The following CD38 variants were observed in gnomAD, a reference collection of about 807,000 sequenced individuals.
CD38 encodes CD38 molecule, also known as ADP-ribosyl cyclase/cyclic ADP-ribose hydrolase 1.
Under a neutral mutation model 36.3 loss-of-function variants are expected in CD38, and 31 were observed. The ratio of observed to expected loss-of-function variants is 0.85; its 90% CI spans 0.64 to 1.15. The LOEUF (loss-of-function observed/expected upper bound fraction) is 1.15, where lower values mean the gene tolerates loss of function less well. CD38 is among the 50% of genes most tolerant of loss of function. The probability of loss-of-function intolerance (pLI) is 0.00; values close to 1 mark genes in which losing one functional copy is unlikely to be tolerated. For missense variants in CD38, 380 were observed against 371.9 expected (o/e 1.02, Z -0.18); for synonymous variants, 131 against 135.2 (o/e 0.97, Z 0.22).
At chr4:15,838,283 C>T (rs925054566) in intron 5 of CD38, 118 bp downstream of exon 5, 1 of 784,970 alleles carries the variant, frequency 1.3e-6, no homozygotes, top group Non-Finnish European at 2.1e-6. Context: ...AGATTAGGGC[C>T]AAAAAAGGTA....
intron 1 of CD38, among the ~76,000 whole-genome samples, chr4:15,783,132 C>T (rs1324526069): frequency 6.6e-6 from 1 of 152,114 alleles, no homozygotes; most frequent in Non-Finnish European, 1.5e-5. Flanking sequence ...CACATGAGAC[C>T]TGAAATACAC....
chr4:15,825,202 G>A (rs1488683422), intron 3 of CD38, 186 bp downstream of exon 3: 1 of 566,180 alleles, frequency 1.8e-6, no homozygotes, highest in Non-Finnish European at 3.0e-6. Context: ...AATTTATAAA[G>A]AAAAGAGGTT....
chr4:15,778,739 A>G lies in CD38; in HGVS notation c.233+92A>G. The G allele has an allele frequency of 1.1e-6, 1 of 905,664 alleles. No individual in the cohort carries two copies. The highest frequency in any genetic ancestry group is 1.5e-5 in the South Asian group (1 of 65,660). The allele number at this position is 905,664 out of a possible 1,614,324, so 56.1% of individuals were successfully genotyped here. A position where few individuals can be genotyped will look rare whatever the true frequency, so the allele number is the denominator to read the frequency against. On this transcript the variant is annotated intron_variant, in intron 1 of 7. Transcript: ENST00000226279. This position sits in a 1 kb window ranked among gnomAD's most constrained non-coding sequence, Gnocchi z 4.9. ...CCGCCCGGATCGCCCGGAACCGGGC[A>G]TCTTCCGTGGCGGGTCAGCCGAGAG...
intron 3 of CD38, among the ~76,000 whole-genome samples, chr4:15,827,841 T>A (rs1425874044): frequency 2.0e-5 from 3 of 152,182 alleles, no homozygotes; most frequent in Admixed American, 2.0e-4. Flanking sequence ...CCTCAATTTT[T>A]AATTTCTTCT....
chr4:15,786,700 C>T (rs6852944), intron 1 of CD38, among the ~76,000 whole-genome samples: 7,837 of 152,314 alleles, frequency 0.051, 638 homozygotes, highest in African/African-American at 0.17. Context: ...AGTCAGCAGG[C>T]GGAGCTGCCT....
chr4:15,778,389 G>T lies in CD38; in HGVS notation c.-26G>T, dbSNP rs944316328. On this transcript the variant is annotated 5_prime_UTR_variant, in exon 1 of 8. Transcript: ENST00000226279. The surrounding 1 kb of genome is among the most constrained non-coding windows in gnomAD (Gnocchi z 4.9). Reference sequence around the variant, plus strand: ...CTAGCCTCCTGCCGGCCTCATCTTCGCCCAGCCAACCCCGCCTGGAGCCCT... The same window carrying T: ...CTAGCCTCCTGCCGGCCTCATCTTCTCCCAGCCAACCCCGCCTGGAGCCCT... The T allele has an allele frequency of 6.4e-7, 1 of 1,557,990 alleles. No individual in the cohort carries two copies. Among genetic ancestry groups the T allele is most frequent in the African/African-American group, 1.4e-5 (1 of 73,852 alleles).
At chr4:15,787,769 A>C (rs1405868768) in intron 1 of CD38, among the ~76,000 whole-genome samples, 1 of 152,128 alleles carries the variant, frequency 6.6e-6, no homozygotes, top group Non-Finnish European at 1.5e-5. Context: ...CGGCTAGGGG[A>C]CTGCCGAAGA....
At chr4:15,826,459 G>GCACGCGCACA (rs1222637407) in intron 3 of CD38, among the ~76,000 whole-genome samples, 1,764 of 146,440 alleles carry the variant, frequency 0.012, 16 homozygotes, top group East Asian at 0.03. Context: ...ACTTTTGTGC[G>GCACGCGCACA]CACACACACA....
chr4:15,786,450 C>A (rs1193485347), intron 1 of CD38, among the ~76,000 whole-genome samples: 1 of 152,082 alleles, frequency 6.6e-6, no homozygotes, highest in Non-Finnish European at 1.5e-5. Context: ...ATTTACAATC[C>A]CTTAGCTAGA....
chr4:15,834,626 A>G (rs1052798988), intron 4 of CD38, among the ~76,000 whole-genome samples: 39 of 152,174 alleles, frequency 2.6e-4, no homozygotes, highest in Non-Finnish European at 8.8e-5. Context: ...CAGTCGTAAC[A>G]ATCTACATGT....
chr4:15,778,702 C>A lies in CD38; in HGVS notation c.233+55C>A. ...GCACTGCGGGGACAGCAGGGCCCCG[C>A]GCGCAGGGAAGCCGCCCGGATCGCC... On this transcript the variant is annotated intron_variant, in intron 1 of 7. Transcript: ENST00000226279. The surrounding 1 kb of genome is among the most constrained non-coding windows in gnomAD (Gnocchi z 4.9). 7.7e-7 allele frequency: 1 copy of A among 1,301,458 alleles called. No homozygotes were observed. Among genetic ancestry groups the A allele is most frequent in the Non-Finnish European group, 1.1e-6 (1 of 915,398 alleles). 80.6% of individuals were successfully genotyped at this position (1,301,458 alleles called of 1,614,324 possible).
chr4:15,790,954 G>A (rs1426046820), intron 1 of CD38, among the ~76,000 whole-genome samples: 1 of 148,414 alleles, frequency 6.7e-6, no homozygotes, highest in African/African-American at 2.5e-5. Context: ...CGCCCCGTCT[G>A]AGAAGTGAGG....
At chr4:15,826,459 GCACACACACACACACA>G (rs67475051) in intron 3 of CD38, among the ~76,000 whole-genome samples, 1 of 146,348 alleles carries the variant, frequency 6.8e-6, no homozygotes, top group Non-Finnish European at 1.5e-5. Context: ...ACTTTTGTGC[GCACACACACACACACA>G]CACACACACA....
chr4:15,824,110 A>T (rs541722500), intron 2 of CD38, among the ~76,000 whole-genome samples: 5 of 152,128 alleles, frequency 3.3e-5, no homozygotes, highest in African/African-American at 4.8e-5. Flanking sequence ...GAACACATGG[A>T]CACCAGGAGG....
At chr4:15,806,610 T>C (rs1723346608) in intron 1 of CD38, among the ~76,000 whole-genome samples, 1 of 152,164 alleles carries the variant, frequency 6.6e-6, no homozygotes, top group Non-Finnish European at 1.5e-5. Context: ...TCTGAGCACC[T>C]GGAGTCAATC....
At chr4:15,790,307 CGA>C (rs1722938102) in intron 1 of CD38, among the ~76,000 whole-genome samples, 1 of 151,872 alleles carries the variant, frequency 6.6e-6, no homozygotes, top group African/African-American at 2.4e-5. Flanking sequence ...CTCAGCCTGC[CGA>C]GTGCCTGCGC....
Position 15,778,497 on chromosome 4 carries a change from T to C in CD38, c.83T>C (p.Val28Ala). ...AGGAGAGCCCAACTCTGTCTTGGCG[T>C]CAGTATCCTGGTCCTGATCCTCGTC... Reference protein sequence around the residue: ...LSRRAQLCLGVSILVLILVVV... With the variant: ...LSRRAQLCLGASILVLILVVV... The change falls in exon 1 of 8, where the codon GTC becomes GCC. Residue 28 changes from valine to alanine, a missense_variant. Val to Ala is a moderately conservative substitution (Grantham distance 64). Coordinates refer to ENST00000226279, the MANE Select transcript of CD38 (RefSeq NM_001775.4). This position sits in a 1 kb window ranked among gnomAD's most constrained non-coding sequence, Gnocchi z 4.9. 1 of 1,613,638 alleles carries C rather than the reference T, an allele frequency of 6.2e-7. No homozygotes were observed.
intron 2 of CD38, among the ~76,000 whole-genome samples, chr4:15,820,852 A>G (rs1723716743): frequency 6.6e-6 from 1 of 152,364 alleles, no homozygotes; most frequent in South Asian, 2.1e-4. Context: ...ATGGATATCT[A>G]CTGAAGTCTC....
intron 1 of CD38, among the ~76,000 whole-genome samples, chr4:15,782,759 C>G (rs543061434): frequency 7.2e-5 from 11 of 152,298 alleles, no homozygotes; most frequent in Admixed American, 3.3e-4. Context: ...GAGGTTGTAG[C>G]ACTTTATCTT....
Sources: gnomAD v4.1 joint callset for allele counts (sites outside exome capture counted in the v4.1 genomes callset) on GRCh38, gnomAD v4.1.1 for gene constraint, Gnocchi (gnomAD v3.1) non-coding constraint, MANE v1.5 for transcripts, NCBI Gene and HGNC (gene_info 2026-07-23, HGNC 2026-07-21) for gene names.